NYAP2: variants seen among roughly 807,000 people sequenced by gnomAD.
NYAP2 encodes the protein neuronal tyrosine-phosphorylated phosphoinositide-3-kinase adaptor 2, also known as neuronal tyrosine-phosphorylated phosphoinositide-3-kinase adapter 2.
In NYAP2, 23 loss-of-function variants were observed where a neutral mutation model predicts 50.4. That is an observed-to-expected ratio of 0.46 (90% CI 0.33 to 0.65). The LOEUF (loss-of-function observed/expected upper bound fraction) is 0.65. NYAP2 is among the 30% of genes least tolerant of loss of function. NYAP2 has a pLI of 0.02. For missense variants in NYAP2, 885 were observed against 861.0 expected (o/e 1.03, Z -0.35); for synonymous variants, 394 against 365.2 (o/e 1.08, Z -0.90).
At chr2:225,447,848 A>G (rs1231752899) in intron 3 of NYAP2, among the ~76,000 whole-genome samples, 4 of 152,228 alleles carry the variant, frequency 2.6e-5, no homozygotes, top group Admixed American at 2.6e-4. Context: ...CCAAGAGATT[A>G]TAAAAGAAGA....
chr2:225,670,600 T>G, the NYAP2 span, among the ~76,000 whole-genome samples: 3 of 87,538 alleles, frequency 3.4e-5, no homozygotes, highest in Non-Finnish European at 4.3e-5. Flanking sequence ...GTCTTCAGTA[T>G]TTTCCAAAAA....
chr2:225,690,457 T>C, the NYAP2 span, among the ~76,000 whole-genome samples: 2 of 152,128 alleles, frequency 1.3e-5, no homozygotes, highest in Admixed American at 1.3e-4. Context: ...TGACCCATAC[T>C]TTCCAAAATA....
intron 4 of NYAP2, among the ~76,000 whole-genome samples, chr2:225,572,346 T>C (rs1692087793): frequency 6.6e-6 from 1 of 152,206 alleles, no homozygotes; most frequent in Non-Finnish European, 1.5e-5. Context: ...GACTGGGTAA[T>C]TTATAAAGAA....
chr2:225,639,373 A>G (rs997915790), intron 6 of NYAP2, among the ~76,000 whole-genome samples: 1 of 152,170 alleles, frequency 6.6e-6, no homozygotes, highest in African/African-American at 2.4e-5. Flanking sequence ...TCTTATTTTT[A>G]TTATACCAGA....
At chr2:225,546,039 T>C (rs964121817) in intron 4 of NYAP2, among the ~76,000 whole-genome samples, 24 of 152,098 alleles carry the variant, frequency 1.6e-4, no homozygotes, top group African/African-American at 5.8e-4. Context: ...ACAAATGAAG[T>C]CTATATCTCT....
At chr2:225,401,430 C>T (rs1694860090) in intron 2 of NYAP2, among the ~76,000 whole-genome samples, 1 of 152,042 alleles carries the variant, frequency 6.6e-6, no homozygotes, top group Non-Finnish European at 1.5e-5. Flanking sequence ...TCTCTTAGCA[C>T]ATTTATGTCA....
At chr2:225,433,748 C>G (rs944164830) in intron 3 of NYAP2, among the ~76,000 whole-genome samples, 1 of 131,306 alleles carries the variant, frequency 7.6e-6, no homozygotes, top group African/African-American at 2.8e-5. Context: ...ACCCGGGAGG[C>G]GGAGCTCGCA....
chr2:225,455,911 C>A (rs1412650296), intron 3 of NYAP2, among the ~76,000 whole-genome samples: 2 of 152,128 alleles, frequency 1.3e-5, no homozygotes, highest in Non-Finnish European at 2.9e-5. Context: ...CATAGACCTG[C>A]CGTTAGAAAA....
chr2:225,664,669 C>G, the NYAP2 span, among the ~76,000 whole-genome samples: 1 of 151,892 alleles, frequency 6.6e-6, no homozygotes, highest in Non-Finnish European at 1.5e-5. Context: ...GAGATCGAGA[C>G]CAGGATCATC....
At chr2:225,588,795 G>A (rs1206101753) in intron 5 of NYAP2, among the ~76,000 whole-genome samples, 1 of 152,106 alleles carries the variant, frequency 6.6e-6, no homozygotes, top group African/African-American at 2.4e-5. Flanking sequence ...AAGTTGACCC[G>A]AACAGGGGAG....
chr2:225,581,924 G>GT lies in NYAP2; in HGVS notation c.524-11dup. 1.3e-6 allele frequency: 2 copies of GT among 1,582,400 alleles called. No individual in the cohort carries two copies. Among genetic ancestry groups the GT allele is most frequent in the Admixed American group, 1.8e-5 (1 of 55,968 alleles). ...CTATTATACTCATCTATTCCACTAC[G>GT]TTTTTTCTTCTTTTAGCGTCAGCTA... On this transcript the variant is annotated splice_polypyrimidine_tract_variant and intron_variant, in intron 4 of 6. Transcript: ENST00000636099.
At chr2:225,676,714 C>T in the NYAP2 span, among the ~76,000 whole-genome samples, 1 of 152,284 alleles carries the variant, frequency 6.6e-6, no homozygotes, top group East Asian at 1.9e-4. Context: ...CCAGATCCCT[C>T]TCACAACATG....
intron 3 of NYAP2, among the ~76,000 whole-genome samples, chr2:225,446,252 A>C (rs201130360): frequency 0.41 from 32,443 of 78,724 alleles, 6,972 homozygotes; most frequent in Non-Finnish European, 0.56. Context: ...CTCTCTATAT[A>C]TATATATATA....
At chr2:225,495,945 T>G (rs1452741522) in intron 3 of NYAP2, among the ~76,000 whole-genome samples, 1 of 152,192 alleles carries the variant, frequency 6.6e-6, no homozygotes, top group Non-Finnish European at 1.5e-5. Context: ...CTGAATTAAC[T>G]GATCTTGACC....
At chr2:225,547,235 G>T (rs1174794557) in intron 4 of NYAP2, among the ~76,000 whole-genome samples, 2 of 152,140 alleles carry the variant, frequency 1.3e-5, no homozygotes, top group Non-Finnish European at 2.9e-5. Context: ...GTAGCCCACT[G>T]CCCTGAAGGG....
chr2:225,592,419 G>A (rs1692523130), intron 5 of NYAP2, among the ~76,000 whole-genome samples: 1 of 152,124 alleles, frequency 6.6e-6, no homozygotes, highest in South Asian at 2.1e-4. Context: ...AGCGCAAGGG[G>A]CCCTATGCTT....
chr2:225,540,268 C>T (rs1412328305), intron 4 of NYAP2, among the ~76,000 whole-genome samples: 1 of 152,208 alleles, frequency 6.6e-6, no homozygotes, highest in Non-Finnish European at 1.5e-5. Context: ...TTGCCCTACT[C>T]TACTAGAACC....
At chr2:225,649,820 T>C (rs1411670727) in intron 6 of NYAP2, among the ~76,000 whole-genome samples, 3 of 152,244 alleles carry the variant, frequency 2.0e-5, no homozygotes, top group Non-Finnish European at 4.4e-5. Flanking sequence ...AGTGACTAAA[T>C]TCATTTTATT....
chr2:225,420,179 A>G (rs1695193326), intron 3 of NYAP2, among the ~76,000 whole-genome samples: 1 of 152,188 alleles, frequency 6.6e-6, no homozygotes, highest in South Asian at 2.1e-4. Context: ...AATAGTAAAT[A>G]AGCTGGCATA....
Sources: gnomAD v4.1 joint callset for allele counts (sites outside exome capture counted in the v4.1 genomes callset) on GRCh38, gnomAD v4.1.1 for gene constraint, MANE v1.5 for transcripts, NCBI Gene and HGNC (gene_info 2026-07-23, HGNC 2026-07-21) for gene names.